Variants in WDPCP observed in about 807,000 individuals in gnomAD.
WDPCP encodes WD repeat containing planar cell polarity effector.
WDPCP carries 71 observed loss-of-function variants against 93.1 expected under a neutral mutation model. The observed-to-expected ratio is 0.76, with a 90% CI of 0.63 to 0.93. The LOEUF (loss-of-function observed/expected upper bound fraction) is 0.93, where lower values mean the gene tolerates loss of function less well. Among genes scored for constraint, WDPCP ranks in the 40% least tolerant of loss-of-function variants. The pLI, the probability that WDPCP is intolerant of heterozygous loss-of-function variation, is 0.00. For missense variants in WDPCP, 844 were observed against 887.4 expected (o/e 0.95, Z 0.62); for synonymous variants, 315 against 315.0 (o/e 1.00, Z 0.00).
chr2:63,321,232 CAAAT>C (rs1056624572), intron 12 of WDPCP, among the ~76,000 whole-genome samples: 3 of 151,730 alleles, frequency 2.0e-5, no homozygotes, highest in African/African-American at 7.3e-5. Context: ...GAAAGTTAAA[CAAAT>C]AAAGTAATAG....
chr2:63,588,981 A>G (rs556625759), upstream of WDPCP: 3 of 1,612,558 alleles, frequency 1.9e-6, no homozygotes, highest in East Asian at 6.7e-5. Flanking sequence ...TCCGCGGTAG[A>G]GGTGACCTGA....
intron 14 of WDPCP, among the ~76,000 whole-genome samples, chr2:63,222,738 G>A (rs1314567006): frequency 6.6e-6 from 1 of 152,130 alleles, no homozygotes; most frequent in East Asian, 1.9e-4. Context: ...ACAGGTATAA[G>A]CAACTAAATA....
chr2:63,397,715 T>C (rs1693842876), intron 10 of WDPCP, among the ~76,000 whole-genome samples: 1 of 152,176 alleles, frequency 6.6e-6, no homozygotes, highest in Non-Finnish European at 1.5e-5. Context: ...AAGAGACATG[T>C]ATTTATCAAG....
At chr2:63,361,986 T>C (rs1313437490) in intron 12 of WDPCP, among the ~76,000 whole-genome samples, 1 of 152,168 alleles carries the variant, frequency 6.6e-6, no homozygotes, top group Non-Finnish European at 1.5e-5. Flanking sequence ...ACATGTGATA[T>C]TTTGACACCT....
At chr2:63,820,632 G>A (rs1671004550) in intron 1 of WDPCP, among the ~76,000 whole-genome samples, 1 of 152,030 alleles carries the variant, frequency 6.6e-6, no homozygotes, top group Non-Finnish European at 1.5e-5. Context: ...TAGAAGCGGG[G>A]GCTTGTATAT....
chr2:63,761,840 CAAGTT>C (rs1219734101), intron 2 of WDPCP, among the ~76,000 whole-genome samples: 5 of 152,168 alleles, frequency 3.3e-5, no homozygotes, highest in African/African-American at 7.2e-5. Flanking sequence ...TCAATCCAGT[CAAGTT>C]GACATTCAGT....
chr2:63,794,348 T>A (rs529587570), intron 2 of WDPCP, among the ~76,000 whole-genome samples: 3 of 152,350 alleles, frequency 2.0e-5, no homozygotes, highest in African/African-American at 7.2e-5. Context: ...CCTCTTTGCC[T>A]GTAACTGGTT....
intron 2 of WDPCP, among the ~76,000 whole-genome samples, chr2:63,778,968 T>A (rs539932766): frequency 6.6e-6 from 1 of 152,346 alleles, no homozygotes; most frequent in South Asian, 2.1e-4. Context: ...TTCTGCTGCC[T>A]AGATTTTGGC....
intron 1 of WDPCP, among the ~76,000 whole-genome samples, chr2:63,530,472 C>G (rs1313964848): frequency 6.6e-6 from 1 of 151,562 alleles, no homozygotes; most frequent in Admixed American, 6.6e-5. Flanking sequence ...GTATAAAAGA[C>G]TTGGGTTTCT....
intron 14 of WDPCP, among the ~76,000 whole-genome samples, chr2:63,239,515 A>G (rs1438818405): frequency 2.6e-5 from 4 of 152,214 alleles, no homozygotes; most frequent in African/African-American, 9.6e-5. Context: ...GGCCAACTAC[A>G]TAACAAACAT....
At chr2:63,198,937 G>A (rs1378326755) in intron 14 of WDPCP, among the ~76,000 whole-genome samples, 1 of 152,166 alleles carries the variant, frequency 6.6e-6, no homozygotes, top group Non-Finnish European at 1.5e-5. Context: ...TTGAAGTCCA[G>A]GCTAAGGTGG....
intron 6 of WDPCP, among the ~76,000 whole-genome samples, chr2:63,480,993 A>G (rs1016885818): frequency 1.1e-4 from 17 of 152,344 alleles, no homozygotes; most frequent in Non-Finnish European, 1.8e-4. Context: ...TACATCTGAC[A>G]AAGGACTAAT....
intron 3 of WDPCP, among the ~76,000 whole-genome samples, chr2:63,604,096 TAC>T (rs1218563427): frequency 6.6e-6 from 1 of 152,024 alleles, no homozygotes. Context: ...TATATGTGTG[TAC>T]ACACACACAC....
chr2:63,370,205 A>T (rs1691266473), intron 12 of WDPCP, among the ~76,000 whole-genome samples: 1 of 152,192 alleles, frequency 6.6e-6, no homozygotes. Context: ...AAGAGCCCTT[A>T]TACCCATGGT....
Position 63,153,483 on chromosome 2 carries a change from G to T in WDPCP, c.2158+12C>A, listed in dbSNP as rs1477532289. 1.9e-6 allele frequency: 3 copies of T among 1,602,426 alleles called. No individual in the cohort carries two copies. Among genetic ancestry groups the T allele is most frequent in the Non-Finnish European group, 2.6e-6 (3 of 1,170,494 alleles). ...TATACTTTGAATACTTGGGTGTCTT[G>T]AATACCATTACCTTCTGCATTACAG... On this transcript the variant is annotated intron_variant, in intron 16 of 17. Coordinates refer to ENST00000272321, the MANE Select transcript of WDPCP (RefSeq NM_015910.7).
chr2:63,748,885 T>G (rs964236709), intron 2 of WDPCP, among the ~76,000 whole-genome samples: 1 of 152,104 alleles, frequency 6.6e-6, no homozygotes, highest in East Asian at 1.9e-4. Flanking sequence ...TAGATTAATT[T>G]GCATTTGTTT....
intron 1 of WDPCP, among the ~76,000 whole-genome samples, chr2:63,571,780 T>C (rs1558825019): frequency 1.3e-5 from 2 of 152,204 alleles, no homozygotes; most frequent in South Asian, 2.1e-4. Flanking sequence ...GATATATTCA[T>C]AGTTATTCGT....
chr2:63,575,414 A>G (rs1393859860), intron 1 of WDPCP, among the ~76,000 whole-genome samples: 2 of 118,756 alleles, frequency 1.7e-5, no homozygotes, highest in African/African-American at 4.5e-5. Context: ...TATACAGTAT[A>G]TACACTGTAT....
At chr2:63,255,409 A>G (rs956696549) in intron 14 of WDPCP, among the ~76,000 whole-genome samples, 1 of 152,072 alleles carries the variant, frequency 6.6e-6, no homozygotes, top group Non-Finnish European at 1.5e-5. Context: ...CCCATGTTGG[A>G]GGTAGGGCCT....
Sources: gnomAD v4.1 joint callset for allele counts (sites outside exome capture counted in the v4.1 genomes callset) on GRCh38, gnomAD v4.1.1 for gene constraint, MANE v1.5 for transcripts, NCBI Gene and HGNC (gene_info 2026-07-23, HGNC 2026-07-21) for gene names.